Variants in HSPBAP1 observed in about 807,000 individuals in gnomAD.
HSPBAP1 encodes HSPB1 associated protein 1, also known as HSPB1-associated protein 1.
In HSPBAP1, 27 loss-of-function variants were observed where a neutral mutation model predicts 45.2. The observed-to-expected ratio is 0.60, with a 90% CI of 0.44 to 0.82. HSPBAP1 has a LOEUF of 0.82. Among genes scored for constraint, HSPBAP1 ranks in the 40% least tolerant of loss-of-function variants. The pLI is 0.00. For missense variants in HSPBAP1, 510 were observed against 590.9 expected, an observed-to-expected ratio of 0.86 and a Z score of 1.42; for synonymous variants, 204 against 202.7, an observed-to-expected ratio of 1.01 and a Z score of -0.06.
rs1335495955 is a variant in HSPBAP1 at position 122,740,619 on chromosome 3, C to T, written c.1193G>A (p.Arg398Lys). The T allele has an allele frequency of 2.5e-6, 4 of 1,614,140 alleles. No homozygotes were observed. The highest frequency in any genetic ancestry group is 2.2e-5 in the South Asian group (2 of 91,084). ...FGPDLVPVAQRSEEPPSERGG... is the reference protein window; with the variant it reads ...FGPDLVPVAQKSEEPPSERGG... ...TCTTTCTGAAGGCGGTTCTTCGGAC[C>T]TCTGTGCTACAGGGACCAGATCAGG... is the stretch of plus-strand genomic sequence containing the variant. Residue 398 changes from arginine to lysine, a missense_variant, in exon 8 of 8, where the codon AGG (arginine) becomes AAG (lysine). By Grantham distance (26) the Arg-to-Lys change is conservative. Transcript: ENST00000306103.
At chr3:122,747,918 T>G (rs1425360706) in intron 6 of HSPBAP1, among the ~76,000 whole-genome samples, 1 of 152,044 alleles carries the variant, frequency 6.6e-6, no homozygotes, top group Non-Finnish European at 1.5e-5. Flanking sequence ...ATGATGACAA[T>G]GGCGGTTTTG....
intron 6 of HSPBAP1, among the ~76,000 whole-genome samples, chr3:122,745,729 T>C (rs1156824623): frequency 6.6e-6 from 1 of 152,176 alleles, no homozygotes; most frequent in Non-Finnish European, 1.5e-5. Context: ...AATTTGGATA[T>C]GCCAAAGACA....
At chr3:122,777,970 GAAA>G in intron 1 of HSPBAP1, 64 bp from the exon 2 acceptor site, 1 of 1,039,412 alleles carries the variant, frequency 9.6e-7, no homozygotes. Flanking sequence ...ACAATATGGA[GAAA>G]AAATAGCTAA....
intron 1 of HSPBAP1, among the ~76,000 whole-genome samples, chr3:122,791,118 T>C (rs1935815231): frequency 6.6e-6 from 1 of 152,254 alleles, no homozygotes; most frequent in Non-Finnish European, 1.5e-5. Context: ...TCATGCATTT[T>C]ACAGAGGAGG....
rs1485159976 is a variant in HSPBAP1, at chr3:122,755,435, AT to A, written c.570-5del. On this transcript the variant is annotated splice_polypyrimidine_tract_variant and splice_region_variant and intron_variant, in intron 4 of 7. Transcript: ENST00000306103. ...AGGAAAGAGATGCCATCGTTTCCTA[AT>A]TAAAAAAAAAAAAAAAAGATACAAG... 1 of 1,394,170 alleles carries A rather than the reference AT, an allele frequency of 7.2e-7. No homozygotes were observed. Among genetic ancestry groups the A allele is most frequent in the Non-Finnish European group, 9.4e-7 (1 of 1,065,464 alleles). The allele number at this position is 1,394,170 out of a possible 1,614,324, so 86.4% of individuals were successfully genotyped here.
chr3:122,781,690 T>G (rs1935489590), intron 1 of HSPBAP1, among the ~76,000 whole-genome samples: 1 of 152,200 alleles, frequency 6.6e-6, no homozygotes, highest in African/African-American at 2.4e-5. Flanking sequence ...GTACTTGATG[T>G]TTAGCTCCCA....
chr3:122,787,176 C>T (rs1935685024), intron 1 of HSPBAP1, among the ~76,000 whole-genome samples: 1 of 152,120 alleles, frequency 6.6e-6, no homozygotes, highest in African/African-American at 2.4e-5. Flanking sequence ...TTTCTCTCTC[C>T]AAATGTAGGA....
chr3:122,789,552 T>G (rs565947943), intron 1 of HSPBAP1, among the ~76,000 whole-genome samples: 1 of 152,368 alleles, frequency 6.6e-6, no homozygotes, highest in East Asian at 1.9e-4. Flanking sequence ...CAATATCACA[T>G]TCTTGAAGGC....
intron 1 of HSPBAP1, among the ~76,000 whole-genome samples, chr3:122,780,720 G>A (rs1276566285): frequency 3.3e-5 from 5 of 151,790 alleles, no homozygotes; most frequent in Admixed American, 3.3e-4. Context: ...TTCCCAGACG[G>A]GGTGGCTGCC....
chr3:122,766,197 C>T (rs902222507), intron 3 of HSPBAP1, among the ~76,000 whole-genome samples: 16 of 152,166 alleles, frequency 1.1e-4, no homozygotes, highest in African/African-American at 2.9e-4. Flanking sequence ...ATTATGTTAA[C>T]GTATAGTGGG....
intron 2 of HSPBAP1, among the ~76,000 whole-genome samples, chr3:122,775,951 T>C (rs1935180580): frequency 6.6e-6 from 1 of 152,240 alleles, no homozygotes; most frequent in Non-Finnish European, 1.5e-5. Flanking sequence ...ATTGAAGTAC[T>C]GATATGTATT....
At chr3:122,760,662 TCACATGTGGCAGTTC>T (rs1192577306) in intron 3 of HSPBAP1, among the ~76,000 whole-genome samples, 3 of 152,040 alleles carry the variant, frequency 2.0e-5, no homozygotes, top group African/African-American at 7.3e-5. Flanking sequence ...TGCACATGGC[TCACATGTGGCAGTTC>T]CAGTGGGTGG....
At position 122,793,791 on chromosome 3, in the gene HSPBAP1, G is replaced by C. The variant is rs1015263690; in HGVS notation, c.-111C>G. On this transcript the variant is annotated 5_prime_UTR_variant, in exon 1 of 8. Transcript: ENST00000306103. ...AAGCTGCACCACAGGAAGGAGCCCC[G>C]GCGACTCCCGCCCGGCTCCTACGGA... 2 of 913,148 alleles carry C rather than the reference G, an allele frequency of 2.2e-6. No homozygotes were observed. Among genetic ancestry groups the C allele is most frequent in the African/African-American group, 3.3e-5 (2 of 60,300 alleles). The allele number at this position is 913,148 out of a possible 1,614,324, so 56.6% of individuals were successfully genotyped here.
intron 1 of HSPBAP1, among the ~76,000 whole-genome samples, chr3:122,792,108 G>A (rs560598406): frequency 6.6e-6 from 1 of 152,334 alleles, no homozygotes; most frequent in African/African-American, 2.4e-5. Context: ...AGAGGTTATA[G>A]AGTTTGGGAA....
intron 1 of HSPBAP1, among the ~76,000 whole-genome samples, chr3:122,778,278 A>C (rs1038045119): frequency 2.0e-5 from 3 of 150,548 alleles, no homozygotes; most frequent in Non-Finnish European, 4.4e-5. Context: ...TTATGATTTA[A>C]CTTATTAACA....
At chr3:122,761,857 T>C (rs1934603842) in intron 3 of HSPBAP1, 2 of 151,638 alleles carry the variant, frequency 1.3e-5, no homozygotes, top group Admixed American at 1.3e-4. Flanking sequence ...GAGTTGGGAT[T>C]CTCTTCCCAA....
At chr3:122,746,864 G>A (rs907604217) in intron 6 of HSPBAP1, among the ~76,000 whole-genome samples, 2 of 151,930 alleles carry the variant, frequency 1.3e-5, no homozygotes, top group African/African-American at 2.4e-5. Flanking sequence ...TGTGTTGGCC[G>A]TGCTGGTCTC....
rs746203540 is a variant in HSPBAP1, at chr3:122,740,850, T to C, written c.962A>G (p.Asn321Ser). 4 of 1,614,056 alleles carry C rather than the reference T, an allele frequency of 2.5e-6. No homozygotes were observed. The highest frequency in any genetic ancestry group is 3.4e-6 in the Non-Finnish European group (4 of 1,180,024). ...TEVEETSHAV[N>S]CCYLNAAVSA... ...AACAGCTGCATTTAAGTAGCAACAG[T>C]TGACTGCATGGGACGTTTCCTCAAC... Residue 321 changes from asparagine (N) to serine (S), a missense_variant, in exon 8 of 8, where the codon AAC becomes AGC. Coordinates refer to ENST00000306103, the MANE Select transcript of HSPBAP1 (RefSeq NM_024610.6).
intron 6 of HSPBAP1, among the ~76,000 whole-genome samples, chr3:122,747,779 G>C (rs1263282169): frequency 2.0e-5 from 3 of 149,630 alleles, no homozygotes; most frequent in Admixed American, 2.0e-4. Context: ...CCCCCCGCCC[G>C]GCCAGCCGCC....
Sources: allele counts gnomAD v4.1 joint callset (sites outside exome capture counted in the v4.1 genomes callset), GRCh38; gene constraint gnomAD v4.1.1; transcripts MANE v1.5; gene names NCBI Gene and HGNC (gene_info 2026-07-23, HGNC 2026-07-21).